TEC: variants seen among roughly 807,000 people sequenced by gnomAD.
The protein encoded by TEC is tec protein tyrosine kinase.
In TEC, 72 loss-of-function variants were observed where a neutral mutation model predicts 93.0. The ratio of observed to expected loss-of-function variants is 0.77; its 90% CI spans 0.64 to 0.94. The LOEUF is 0.94. Ranked by LOEUF, TEC falls within the 40% of genes least tolerant of loss-of-function variation. The pLI is 0.00. For synonymous variants in TEC, 249 were observed against 247.7 expected (o/e 1.01, Z -0.05); for missense variants, 630 against 757.9 (o/e 0.83, Z 1.98).
At chr4:48,168,091 C>CCTT (rs1720947993) in intron 6 of TEC, 138 bp from the exon 7 acceptor site, 2 of 732,308 alleles carry the variant, frequency 2.7e-6, no homozygotes, top group African/African-American at 1.8e-5. Flanking sequence ...AACAAACTCT[C>CCTT]ATGAAGAAGA....
chr4:48,199,535 C>T (rs1443337354), intron 2 of TEC, among the ~76,000 whole-genome samples: 1 of 133,928 alleles, frequency 7.5e-6, no homozygotes, highest in Non-Finnish European at 1.5e-5. Context: ...GGCACGATCT[C>T]AGCTCACTAC....
intron 9 of TEC, among the ~76,000 whole-genome samples, chr4:48,155,338 G>A (rs192105996): frequency 4.9e-4 from 75 of 152,328 alleles, no homozygotes; most frequent in East Asian, 3.5e-3. Flanking sequence ...AGCTCATAGC[G>A]TAGAGGAAGT....
intron 2 of TEC, among the ~76,000 whole-genome samples, chr4:48,215,716 A>G (rs1723056086): frequency 6.6e-6 from 1 of 152,160 alleles, no homozygotes; most frequent in South Asian, 2.1e-4. Flanking sequence ...GGTATTTGCA[A>G]GCAAAGGAGT....
chr4:48,221,583 A>G (rs191066350), intron 2 of TEC, among the ~76,000 whole-genome samples: 294 of 152,230 alleles, frequency 1.9e-3, no homozygotes, highest in South Asian at 5.4e-3. Flanking sequence ...TAATCCAACC[A>G]TCCTCTAGCA....
At chr4:48,181,048 G>C (rs1721563124) in intron 2 of TEC, among the ~76,000 whole-genome samples, 1 of 151,978 alleles carries the variant, frequency 6.6e-6, no homozygotes, top group African/African-American at 2.4e-5. Context: ...GACTGAGGGG[G>C]GCTAACGGAT....
chr4:48,145,678 A>C, intron 12 of TEC, 99 bp from the exon 13 acceptor site: 3 of 1,275,856 alleles, frequency 2.4e-6, no homozygotes, highest in Non-Finnish European at 3.3e-6. Flanking sequence ...CAACCTCAAA[A>C]TTACAGGATA....
At chr4:48,230,105 AT>A (rs1723604588) in intron 1 of TEC, among the ~76,000 whole-genome samples, 1 of 150,994 alleles carries the variant, frequency 6.6e-6, no homozygotes, top group African/African-American at 2.4e-5. Context: ...ATAATAATAA[AT>A]AAATAACTGC....
At chr4:48,215,677 G>GAC (rs1723053831) in intron 2 of TEC, among the ~76,000 whole-genome samples, 1 of 151,746 alleles carries the variant, frequency 6.6e-6, no homozygotes, top group African/African-American at 2.4e-5. Context: ...TTTATCAAGA[G>GAC]GTAACCCTGT....
intron 2 of TEC, among the ~76,000 whole-genome samples, chr4:48,219,463 C>T (rs1228116374): frequency 2.0e-5 from 3 of 152,154 alleles, no homozygotes; most frequent in East Asian, 1.9e-4. Flanking sequence ...TCAATGGTCA[C>T]GCTCCTTGTC....
chr4:48,243,885 G>C (rs1027874286), intron 1 of TEC, among the ~76,000 whole-genome samples: 1 of 151,504 alleles, frequency 6.6e-6, no homozygotes, highest in Non-Finnish European at 1.5e-5. Flanking sequence ...GTTGATGGGT[G>C]CAGCAAACCA....
intron 17 of TEC, among the ~76,000 whole-genome samples, chr4:48,137,996 G>A (rs1719503064): frequency 2.0e-5 from 3 of 152,178 alleles, no homozygotes; most frequent in African/African-American, 4.8e-5. Flanking sequence ...GCTCTTGGGA[G>A]GCAGTACAGC....
chr4:48,168,041 C>A (rs1456157316), intron 6 of TEC, 88 bp from the exon 7 acceptor site: 8 of 1,190,236 alleles, frequency 6.7e-6, no homozygotes, highest in Non-Finnish European at 4.8e-6. Flanking sequence ...TACATCACCA[C>A]AGAATAAACT....
intron 2 of TEC, among the ~76,000 whole-genome samples, chr4:48,186,146 C>CT (rs1268494256): frequency 6.6e-6 from 1 of 152,232 alleles, no homozygotes; most frequent in African/African-American, 2.4e-5. Context: ...GACGGAGTCT[C>CT]GCTCACTAGG....
At chr4:48,184,288 C>T (rs1193641932) in intron 2 of TEC, among the ~76,000 whole-genome samples, 1 of 152,180 alleles carries the variant, frequency 6.6e-6, no homozygotes, top group Non-Finnish European at 1.5e-5. Context: ...GTAAGTGCCA[C>T]CTATACCTAA....
chr4:48,269,569 C>T (rs1359057563), intron 1 of TEC, among the ~76,000 whole-genome samples, 183 bp downstream of exon 1: 5 of 152,256 alleles, frequency 3.3e-5, no homozygotes, highest in Middle Eastern at 3.2e-3. Flanking sequence ...CTTCCCGGAC[C>T]GAAGAGGGGA....
At chr4:48,176,468 C>T (rs1721329783) in intron 2 of TEC, among the ~76,000 whole-genome samples, 1 of 152,174 alleles carries the variant, frequency 6.6e-6, no homozygotes, top group South Asian at 2.1e-4. Flanking sequence ...TCCCTGTAAT[C>T]CCAGCACTTT....
intron 1 of TEC, among the ~76,000 whole-genome samples, chr4:48,258,229 C>T (rs925440650): frequency 6.6e-6 from 1 of 150,796 alleles, no homozygotes; most frequent in Non-Finnish European, 1.5e-5. Context: ...GCAACCTCTG[C>T]CTCCCAGGTT....
intron 3 of TEC, among the ~76,000 whole-genome samples, chr4:48,174,403 A>C (rs1487831031): frequency 6.6e-6 from 1 of 152,158 alleles, no homozygotes; most frequent in Non-Finnish European, 1.5e-5. Context: ...TCACGACTGT[A>C]ATCTCAGTAC....
rs183505971 is a variant in TEC, at chr4:48,220,404, C to T, written c.138+8073G>A. 1.1e-4 allele frequency among the ~76,000 whole-genome samples: 17 copies of T among 152,108 alleles called. No homozygotes were observed. The Middle Eastern group carries it at 0.01, about 91-fold the overall frequency. On this transcript the variant is annotated intron_variant, in intron 2 of 17. Transcript: ENST00000381501. ...GGTTTGGGTCATGGGGGGCAGATCC[C>T]TCATGAATGGCCTGGTGCCCTCCTA...
Sources: allele counts gnomAD v4.1 joint callset (sites outside exome capture counted in the v4.1 genomes callset), GRCh38; gene constraint gnomAD v4.1.1; transcripts MANE v1.5; gene names NCBI Gene and HGNC (gene_info 2026-07-23, HGNC 2026-07-21).